Variants in SLC24A2 observed in about 807,000 individuals in gnomAD.
The protein encoded by SLC24A2 is sodium/potassium/calcium exchanger 2.
Under a neutral mutation model 62.0 loss-of-function variants are expected in SLC24A2, and 36 were observed. The ratio of observed to expected loss-of-function variants is 0.58; its 90% CI spans 0.44 to 0.77. The LOEUF is 0.77. Ranked by LOEUF, SLC24A2 falls within the 30% of genes least tolerant of loss-of-function variation. SLC24A2 has a pLI of 0.00. For missense variants in SLC24A2, 846 were observed against 817.9 expected (o/e 1.03, Z -0.42); for synonymous variants, 358 against 294.0 (o/e 1.22, Z -2.23).
the SLC24A2 span, among the ~76,000 whole-genome samples, chr9:20,001,130 C>T: frequency 6.6e-6 from 1 of 152,132 alleles, no homozygotes; most frequent in Non-Finnish European, 1.5e-5. Flanking sequence ...AAAGTTAAAG[C>T]CTGGAGGATC....
chr9:19,955,699 A>G, the SLC24A2 span, among the ~76,000 whole-genome samples: 1 of 152,186 alleles, frequency 6.6e-6, no homozygotes, highest in Non-Finnish European at 1.5e-5. Context: ...TTGGGGAAAA[A>G]TGCTTTTCTA....
chr9:20,166,253 C>T, the SLC24A2 span, among the ~76,000 whole-genome samples: 2 of 151,892 alleles, frequency 1.3e-5, no homozygotes, highest in African/African-American at 2.4e-5. Flanking sequence ...AATCCCAACT[C>T]TATAAATCTA....
At chr9:19,635,893 A>G (rs900823405) in intron 2 of SLC24A2, among the ~76,000 whole-genome samples, 2 of 152,184 alleles carry the variant, frequency 1.3e-5, no homozygotes, top group African/African-American at 4.8e-5. Flanking sequence ...CATAACAACC[A>G]TGTGTGTACA....
At chr9:19,608,392 CAAGT>C (rs1229899260) in intron 4 of SLC24A2, among the ~76,000 whole-genome samples, 1 of 151,768 alleles carries the variant, frequency 6.6e-6, no homozygotes, top group Non-Finnish European at 1.5e-5. Flanking sequence ...ACCCAGCAAG[CAAGT>C]GACAGTTTAA....
the SLC24A2 span, among the ~76,000 whole-genome samples, chr9:20,297,396 A>G: frequency 9.3e-4 from 142 of 152,334 alleles, 1 homozygote; most frequent in South Asian, 0.026. Context: ...GGTGGCCAAC[A>G]GGAAACGAGG....
the SLC24A2 span, among the ~76,000 whole-genome samples, chr9:20,217,425 T>A: frequency 3.9e-5 from 6 of 152,186 alleles, no homozygotes; most frequent in Non-Finnish European, 8.8e-5. Context: ...TCCCTTTGTA[T>A]AATTGATCAG....
At chr9:20,106,603 G>T in the SLC24A2 span, among the ~76,000 whole-genome samples, 1 of 152,140 alleles carries the variant, frequency 6.6e-6, no homozygotes, top group Non-Finnish European at 1.5e-5. Context: ...AAAACCACAT[G>T]ATTATCTCAA....
the SLC24A2 span, among the ~76,000 whole-genome samples, chr9:19,797,178 G>C: frequency 6.6e-6 from 1 of 152,140 alleles, no homozygotes; most frequent in Non-Finnish European, 1.5e-5. Context: ...ATGTCTCTGA[G>C]ATAATGTAAG....
chr9:19,691,041 G>A (rs1458379931), intron 2 of SLC24A2, among the ~76,000 whole-genome samples: 2 of 152,130 alleles, frequency 1.3e-5, no homozygotes, highest in African/African-American at 4.8e-5. Context: ...GAAAACCTTT[G>A]AAGCTGCCCA....
chr9:19,671,291 T>C (rs971994275), intron 2 of SLC24A2, among the ~76,000 whole-genome samples: 4 of 151,914 alleles, frequency 2.6e-5, no homozygotes, highest in African/African-American at 7.2e-5. Context: ...TCCTCAGTAT[T>C]TTATTATTAT....
chr9:19,646,271 T>A (rs554589940), intron 2 of SLC24A2, among the ~76,000 whole-genome samples: 220 of 152,338 alleles, frequency 1.4e-3, no homozygotes, highest in African/African-American at 5.1e-3. Flanking sequence ...GTTTCTTGCT[T>A]GTTTGTAGAC....
At chr9:20,100,804 G>C in the SLC24A2 span, among the ~76,000 whole-genome samples, 1 of 152,052 alleles carries the variant, frequency 6.6e-6, no homozygotes, top group African/African-American at 2.4e-5. Flanking sequence ...CTCTTTTTAA[G>C]GATAGCTTCT....
the SLC24A2 span, among the ~76,000 whole-genome samples, chr9:19,883,697 C>G: frequency 6.6e-6 from 1 of 152,066 alleles, no homozygotes. Context: ...TCCTGAGTAG[C>G]TGGGACTACA....
the SLC24A2 span, among the ~76,000 whole-genome samples, chr9:20,060,428 CAT>C: frequency 1.3e-5 from 2 of 152,014 alleles, no homozygotes; most frequent in African/African-American, 4.8e-5. Context: ...AATTCAGAAA[CAT>C]ATAAAAAGGA....
At chr9:20,074,693 G>A in the SLC24A2 span, among the ~76,000 whole-genome samples, 1 of 151,714 alleles carries the variant, frequency 6.6e-6, no homozygotes, top group Non-Finnish European at 1.5e-5. Flanking sequence ...CTTTATTCAG[G>A]TCTCTTTCCG....
the SLC24A2 span, among the ~76,000 whole-genome samples, chr9:20,210,769 G>T: frequency 6.7e-6 from 1 of 149,824 alleles, no homozygotes; most frequent in African/African-American, 2.5e-5. Context: ...CTCCCATAGT[G>T]CTGGGATTAC....
chr9:20,274,761 C>T, the SLC24A2 span, among the ~76,000 whole-genome samples: 1 of 151,484 alleles, frequency 6.6e-6, no homozygotes, highest in African/African-American at 2.4e-5. Context: ...GATAGTGGAC[C>T]ATGGCTTCCT....
the SLC24A2 span, among the ~76,000 whole-genome samples, chr9:20,198,174 C>G: frequency 1.3e-5 from 2 of 152,224 alleles, no homozygotes; most frequent in East Asian, 1.9e-4. Context: ...ATGATGAGGT[C>G]ATCAGCACAA....
intron 6 of SLC24A2, 133 bp downstream of exon 6, chr9:19,576,791 T>C: frequency 1.4e-6 from 1 of 738,572 alleles, no homozygotes; most frequent in Non-Finnish European, 2.4e-6. Flanking sequence ...TCATTTCCTG[T>C]TGCACAGGGA....
Sources: gnomAD v4.1 joint callset for allele counts (sites outside exome capture counted in the v4.1 genomes callset) on GRCh38, gnomAD v4.1.1 for gene constraint, MANE v1.5 for transcripts, NCBI Gene and HGNC (gene_info 2026-07-23, HGNC 2026-07-21) for gene names.